Variants in PCDHGA11 observed in about 807,000 individuals in gnomAD.
PCDHGA11 encodes protocadherin gamma-A11.
PCDHGA11 carries 39 observed loss-of-function variants against 60.4 expected under a neutral mutation model. That is an observed-to-expected ratio of 0.65 (90% confidence interval 0.50 to 0.84). The LOEUF (loss-of-function observed/expected upper bound fraction) is 0.84. Ranked by LOEUF, PCDHGA11 falls within the 40% of genes least tolerant of loss-of-function variation. The pLI, the probability that PCDHGA11 is intolerant of heterozygous loss-of-function variation, is 0.00. For missense variants in PCDHGA11, 1,165 were observed against 1,197.7 expected, an observed-to-expected ratio of 0.97 and a Z score of 0.40; for synonymous variants, 533 against 510.3, an observed-to-expected ratio of 1.04 and a Z score of -0.60.
rs1433429634 is a variant in PCDHGA11 at position 141,486,311 on chromosome 5, G to T, written c.2434-8496G>T. 1.2e-6 allele frequency: 2 copies of T among 1,613,956 alleles called. No homozygotes were observed. Among genetic ancestry groups the T allele is most frequent in the African/African-American group, 2.7e-5 (2 of 74,892 alleles). On this transcript the variant is annotated intron_variant, in intron 1 of 3. Transcript: ENST00000398587. The surrounding 1 kb of genome is among the most constrained non-coding windows in gnomAD (Gnocchi z 5.0). The stretch of plus-strand genomic sequence containing the variant: ...TATCAGTGTGCAGGATCCAGACTCA[G>T]GGTCAAACGGAGATGTGAGCCTCCG...
In PCDHGA11 at chr5:141,490,413, G is replaced by C. The variant is rs2233606; in HGVS notation, c.2434-4394G>C. 6 of 1,614,128 alleles carry C rather than the reference G, an allele frequency of 3.7e-6. No individual in the cohort carries two copies. In the South Asian group the frequency reaches 4.4e-5, roughly 12 times the overall value. On this transcript the variant is annotated intron_variant, in intron 1 of 3. Transcript: ENST00000398587. The surrounding 1 kb of genome is among the most constrained non-coding windows in gnomAD (Gnocchi z 5.4). ...GTGAAGTGAGCCTTGATATCTCTCCGGACCTGCCATTTCAGATTAAGCCTT... is the reference window on the plus strand; with the variant it reads ...GTGAAGTGAGCCTTGATATCTCTCCCGACCTGCCATTTCAGATTAAGCCTT...
At chr5:141,446,922 T>G (rs939249512) in intron 1 of PCDHGA11, among the ~76,000 whole-genome samples, 1 of 152,220 alleles carries the variant, frequency 6.6e-6, no homozygotes, top group Non-Finnish European at 1.5e-5. Context: ...TTTATCTTCC[T>G]GATCTCTTTT....
Position 141,485,582 on chromosome 5 carries a change from C to G in PCDHGA11, c.2434-9225C>G. The G allele has an allele frequency of 6.2e-7, 1 of 1,612,374 alleles. No individual in the cohort carries two copies. Among genetic ancestry groups the G allele is most frequent in the South Asian group, 1.1e-5 (1 of 90,956 alleles). On this transcript the variant is annotated intron_variant, in intron 1 of 3. Transcript: ENST00000398587. The surrounding 1 kb of genome is among the most constrained non-coding windows in gnomAD (Gnocchi z 5.7). ...TCACGCCCCCCGTTTTCCGCGGCAG[C>G]AGCTGGACTTGGAAATTGGGGAGGC...
Position 141,422,865 on chromosome 5 carries a change from C to A in PCDHGA11, c.1638C>A (p.Asn546Lys). The A allele has an allele frequency of 3.7e-6, 6 of 1,614,244 alleles. No homozygotes were observed. Among genetic ancestry groups the A allele is most frequent in the Non-Finnish European group, 5.1e-6 (6 of 1,180,042 alleles). Reference sequence around the variant, plus strand: ...GCGGGGACCCGCCCCTCAGCAGCAACGTGTCGCTGAGCCTGTTCGTGCTGG... The same window carrying A: ...GCGGGGACCCGCCCCTCAGCAGCAAAGTGTCGCTGAGCCTGTTCGTGCTGG... The part of the protein sequence containing the change: ...RDSGDPPLSS[N>K]VSLSLFVLDQ... The change falls in exon 1 of 4, where the codon AAC (asparagine) becomes AAA (lysine). Residue 546 changes from asparagine to lysine, a missense_variant. By Grantham distance (94) the Asn-to-Lys change is moderately conservative. Transcript: ENST00000398587.
At chr5:141,498,105 G>A (rs150297456) in intron 2 of PCDHGA11, among the ~76,000 whole-genome samples, 4 of 152,206 alleles carry the variant, frequency 2.6e-5, no homozygotes, top group African/African-American at 9.7e-5. Flanking sequence ...TGGTGTGGGC[G>A]TATAATAGGG....
At chr5:141,425,069 A>G (rs771114613) in intron 1 of PCDHGA11, among the ~76,000 whole-genome samples, 1 of 152,170 alleles carries the variant, frequency 6.6e-6, no homozygotes. Context: ...GACAAAAATA[A>G]TTTCAACTGT....
Position 141,421,420 on chromosome 5 carries a change from G to C in PCDHGA11, c.193G>C (p.Val65Leu). 1 of 1,614,084 alleles carries C rather than the reference G, an allele frequency of 6.2e-7. No homozygotes were observed. Among genetic ancestry groups the C allele is most frequent in the Non-Finnish European group, 8.5e-7 (1 of 1,179,916 alleles). The part of the protein sequence containing the change: ...LEPRELAKRG[V>L]RIVSRGKTQL... ...GCCCCGGGAGCTGGCGAAGCGCGGA[G>C]TCCGCATCGTCTCCAGAGGGAAGAC... The change falls in exon 1 of 4, where the codon GTC becomes CTC. Residue 65 changes from valine to leucine, a missense_variant. Coordinates refer to ENST00000398587, the MANE Select transcript of PCDHGA11 (RefSeq NM_018914.3).
chr5:141,483,099 C>T (rs10068400), intron 1 of PCDHGA11, among the ~76,000 whole-genome samples: 3,098 of 152,014 alleles, frequency 0.02, 87 homozygotes, highest in African/African-American at 0.065. Flanking sequence ...AAAAAGTGTG[C>T]GTGTAAAACA....
intron 1 of PCDHGA11, chr5:141,427,870 C>A (rs773176633): frequency 3.2e-6 from 5 of 1,558,750 alleles, no homozygotes; most frequent in Non-Finnish European, 4.4e-6. Context: ...TTCGAGCTCA[C>A]GATGCAGGCC....
chr5:141,423,372 C>G lies in PCDHGA11; in HGVS notation c.2145C>G (p.Leu715=). 1 of 1,614,178 alleles carries G rather than the reference C, an allele frequency of 6.2e-7. No individual in the cohort carries two copies. Among genetic ancestry groups the G allele is most frequent in the Non-Finnish European group, 8.5e-7 (1 of 1,180,020 alleles). ...FLVFVIVLLA[L]RLWRWHKSRL... ...TCTTTGTCATCGTGCTGCTGGCACT[C>G]AGGCTGTGGCGCTGGCATAAGTCAC... The change falls in exon 1 of 4, where the codon CTC becomes CTG. Residue 715 remains leucine (L), a synonymous_variant. Transcript: ENST00000398587.
At chr5:141,433,481 G>C (rs2097613311) in intron 1 of PCDHGA11, among the ~76,000 whole-genome samples, 1 of 152,046 alleles carries the variant, frequency 6.6e-6, no homozygotes, top group African/African-American at 2.4e-5. Flanking sequence ...CTAGCCTCCT[G>C]CTTCTCCCTC....
Position 141,423,624 on chromosome 5 carries a change from T to A in PCDHGA11, c.2397T>A (p.Ala799=), listed in dbSNP as rs756883871. ...SEPLLIAEDS[A]IILGKCDPTS... ...CACTCTTGATAGCTGAAGACTCAGC[T>A]ATCATTTTAGGCAAATGTGACCCGA... The change falls in exon 1 of 4, where the codon GCT becomes GCA. Residue 799 remains alanine, a synonymous_variant. Transcript: ENST00000398587. 5.6e-6 allele frequency: 9 copies of A among 1,607,038 alleles called. No homozygotes were observed. Among genetic ancestry groups the A allele is most frequent in the African/African-American group, 1.3e-5 (1 of 74,698 alleles).
intron 1 of PCDHGA11, chr5:141,439,998 G>A (rs2098143949): frequency 6.5e-6 from 1 of 153,152 alleles, no homozygotes; most frequent in Non-Finnish European, 1.5e-5. Context: ...TTGGTGGTGG[G>A]AAACCTTGCC....
At chr5:141,470,942 C>T (rs1156728317) in intron 1 of PCDHGA11, among the ~76,000 whole-genome samples, 1 of 152,020 alleles carries the variant, frequency 6.6e-6, no homozygotes, top group Non-Finnish European at 1.5e-5. Context: ...GTCTCAAATT[C>T]CTGGCCTCAA....
rs1001555249 is a variant in PCDHGA11, at chr5:141,486,728, G to A, written c.2434-8079G>A. The A allele has an allele frequency of 1.2e-6, 2 of 1,614,200 alleles. No homozygotes were observed. The highest frequency in any genetic ancestry group is 1.7e-6 in the Non-Finnish European group (2 of 1,180,052). On this transcript the variant is annotated intron_variant, in intron 1 of 3. Transcript: ENST00000398587. This position sits in a 1 kb window ranked among gnomAD's most constrained non-coding sequence, Gnocchi z 5.0. Reference sequence around the variant, plus strand: ...GAACCCCCAGACAGGAGCTGTTCATGCTACTCGATCCTTTGACTATGAGCA... The same window carrying A: ...GAACCCCCAGACAGGAGCTGTTCATACTACTCGATCCTTTGACTATGAGCA...
At position 141,487,796 on chromosome 5, in the gene PCDHGA11, T is replaced by C. The variant is rs766798983; in HGVS notation, c.2434-7011T>C. ...TAACTGTTTCGTGAATTAACCAGAG[T>C]TGTCACAGTTTAGCATTGGGGGCGG... On this transcript the variant is annotated intron_variant, in intron 1 of 3. Coordinates refer to ENST00000398587, the MANE Select transcript of PCDHGA11 (RefSeq NM_018914.3). The surrounding 1 kb of genome is among the most constrained non-coding windows in gnomAD (Gnocchi z 5.0). 15 of 1,498,660 alleles carry C rather than the reference T, an allele frequency of 1.0e-5. No homozygotes were observed. The highest frequency in any genetic ancestry group is 1.4e-5 in the Non-Finnish European group (15 of 1,110,900). 92.8% of individuals were successfully genotyped at this position (1,498,660 alleles called of 1,614,324 possible). A position where few individuals can be genotyped will look rare whatever the true frequency, so the allele number is the denominator to read the frequency against.
chr5:141,508,043 T>A (rs2099865910), intron 3 of PCDHGA11: 1 of 152,252 alleles, frequency 6.6e-6, no homozygotes, highest in Non-Finnish European at 1.5e-5. Context: ...CAGCCAGCTG[T>A]GTTCCAGCTA....
At chr5:141,472,022 T>A (rs949257396) in intron 1 of PCDHGA11, among the ~76,000 whole-genome samples, 6 of 152,176 alleles carry the variant, frequency 3.9e-5, no homozygotes, top group African/African-American at 1.4e-4. Context: ...CTATATTGTA[T>A]GTAGAAAGCT....
In PCDHGA11 at chr5:141,489,493, G is replaced by C. The variant is rs1485293604; in HGVS notation, c.2434-5314G>C. 3 of 1,614,078 alleles carry C rather than the reference G, an allele frequency of 1.9e-6. No homozygotes were observed. The South Asian group carries it at 3.3e-5, about 18-fold the overall frequency. On this transcript the variant is annotated intron_variant, in intron 1 of 3. Coordinates refer to ENST00000398587, the MANE Select transcript of PCDHGA11 (RefSeq NM_018914.3). This position sits in a 1 kb window ranked among gnomAD's most constrained non-coding sequence, Gnocchi z 4.5. Reference sequence around the variant, plus strand: ...CCTGAGCTTGATGAGTGGTGCCCTGGCAGTGAATCAAAAGATTGACCGAGA... The same window carrying C: ...CCTGAGCTTGATGAGTGGTGCCCTGCCAGTGAATCAAAAGATTGACCGAGA...
Sources: allele counts gnomAD v4.1 joint callset (sites outside exome capture counted in the v4.1 genomes callset), GRCh38; gene constraint gnomAD v4.1.1; non-coding constraint Gnocchi (gnomAD v3.1); transcripts MANE v1.5; gene names NCBI Gene and HGNC (gene_info 2026-07-23, HGNC 2026-07-21).